Variants in JADE1 observed in about 807,000 individuals in gnomAD.
JADE1 encodes jade family PHD finger 1.
A neutral mutation model predicts 81.8 loss-of-function variants in JADE1; 14 were observed. The observed-to-expected ratio is 0.17, with a 90% CI of 0.11 to 0.27. The LOEUF is 0.27. Ranked by LOEUF, JADE1 falls within the 10% of genes least tolerant of loss-of-function variation. The pLI, the probability that JADE1 is intolerant of heterozygous loss-of-function variation, is 1.00. For synonymous variants in JADE1, 353 were observed against 391.9 expected (o/e 0.90, Z 1.17); for missense variants, 690 against 1,047.9 (o/e 0.66, Z 4.71).
rs574654459 is a variant in JADE1, at chr4:128,843,745, G to C, written c.138+707G>C. 8.5e-5 allele frequency among the ~76,000 whole-genome samples: 13 copies of C among 152,284 alleles called. 1 individual carries two copies. In the South Asian group the frequency reaches 2.7e-3, roughly 32 times the overall value. On this transcript the variant is annotated intron_variant, in intron 3 of 10. Coordinates refer to ENST00000226319, the MANE Select transcript of JADE1 (RefSeq NM_199320.4). ...AGAAGGTTATAGGAAGAGTTTCTTT[G>C]GTTGAATGCTTTGCTTTGTGCTGCT... is the stretch of plus-strand genomic sequence containing the variant.
At position 128,863,265 on chromosome 4, in the gene JADE1, T is replaced by C. The variant is rs1027603160; in HGVS notation, c.1503+1040T>C. ...GTAGTTTCTGGCTGAGGCTTGCTAA[T>C]TGGGGATGCTTCTTAGAGCATCTTC... is the stretch of plus-strand genomic sequence containing the variant. On this transcript the variant is annotated intron_variant, in intron 9 of 10. Coordinates refer to ENST00000226319, the MANE Select transcript of JADE1 (RefSeq NM_199320.4). The C allele has an allele frequency of 3.9e-5, 38 of 985,416 alleles. No homozygotes were observed. In the Admixed American group the frequency reaches 9.2e-4, roughly 24 times the overall value. 61.0% of individuals were successfully genotyped at this position (985,416 alleles called of 1,614,324 possible).
chr4:128,851,275 G>A (rs1453672856), intron 5 of JADE1, among the ~76,000 whole-genome samples: 1 of 152,144 alleles, frequency 6.6e-6, no homozygotes, highest in Non-Finnish European at 1.5e-5. Context: ...AGAAGTAAGA[G>A]GATGAGGAGG....
At chr4:128,868,004 T>G (rs764269753) in intron 10 of JADE1, 31 bp downstream of exon 10, 2 of 1,219,952 alleles carry the variant, frequency 1.6e-6, no homozygotes, top group South Asian at 2.4e-5. Flanking sequence ...GGTCAAAGTA[T>G]AGGGCAGGGG....
chr4:128,830,983 A>T (rs1323334179), intron 1 of JADE1, among the ~76,000 whole-genome samples: 1 of 152,100 alleles, frequency 6.6e-6, no homozygotes, highest in East Asian at 1.9e-4. Flanking sequence ...ATTTGGGTCT[A>T]TTTGTCCTGA....
intron 1 of JADE1, among the ~76,000 whole-genome samples, chr4:128,830,930 G>A (rs111956695): frequency 6.6e-6 from 1 of 152,174 alleles, no homozygotes; most frequent in African/African-American, 2.4e-5. Context: ...AGTTGGCCAG[G>A]TGCGCTGGGT....
In JADE1 at chr4:128,863,209, G is replaced by A. The variant is rs146120244; in HGVS notation, c.1503+984G>A. On this transcript the variant is annotated intron_variant, in intron 9 of 10. Coordinates refer to ENST00000226319, the MANE Select transcript of JADE1 (RefSeq NM_199320.4). ...CTACAGGAATAATGAGGCGTGGGCT[G>A]CCTCCCGCTAGGGCCTCCTGCTCCC... is the stretch of plus-strand genomic sequence containing the variant. The A allele has an allele frequency of 6.0e-3, 5,962 of 985,546 alleles. 22 individuals are homozygous for A. The highest frequency in any genetic ancestry group is 6.7e-3 in the Non-Finnish European group (5,593 of 830,020). 61.1% of individuals were successfully genotyped at this position (985,546 alleles called of 1,614,324 possible). A position where few individuals can be genotyped will look rare whatever the true frequency, so the allele number is the denominator to read the frequency against.
chr4:128,861,381 T>A (rs1731311002), intron 8 of JADE1, among the ~76,000 whole-genome samples: 1 of 152,230 alleles, frequency 6.6e-6, no homozygotes, highest in Admixed American at 6.5e-5. Flanking sequence ...ATTCCAAGAC[T>A]TGGCTGGGCG....
intron 9 of JADE1, chr4:128,862,717 A>T: frequency 9.9e-7 from 1 of 1,006,400 alleles, no homozygotes; most frequent in Non-Finnish European, 1.2e-6. Context: ...GAAGCTAAGC[A>T]CGGCTGCTCA....
chr4:128,837,983 G>A (rs1476198811), intron 2 of JADE1, among the ~76,000 whole-genome samples: 1 of 152,202 alleles, frequency 6.6e-6, no homozygotes, highest in Non-Finnish European at 1.5e-5. Flanking sequence ...AATGTGGAAG[G>A]TGTGTGCAGT....
At chr4:128,842,011 C>G (rs1255530123) in intron 2 of JADE1, among the ~76,000 whole-genome samples, 1 of 152,106 alleles carries the variant, frequency 6.6e-6, no homozygotes, top group East Asian at 1.9e-4. Flanking sequence ...TAGGAGTAGA[C>G]CCCCCTTTGG....
chr4:128,868,012 G>A, intron 10 of JADE1, 39 bp downstream of exon 10: 1 of 1,093,030 alleles, frequency 9.1e-7, no homozygotes, highest in Non-Finnish European at 1.4e-6. Flanking sequence ...TATAGGGCAG[G>A]GGTTTGTAAG....
chr4:128,860,519 C>G (rs996615500), intron 8 of JADE1, among the ~76,000 whole-genome samples: 2 of 152,218 alleles, frequency 1.3e-5, no homozygotes, highest in Non-Finnish European at 2.9e-5. Flanking sequence ...TCTCAGTTGG[C>G]TTGAAGCCGC....
chr4:128,812,785 C>CCTTA (rs1352547613), intron 1 of JADE1, among the ~76,000 whole-genome samples: 3 of 152,260 alleles, frequency 2.0e-5, no homozygotes. Flanking sequence ...TGGCGCCCTG[C>CCTTA]CTTACTTCGG....
rs763105104 is a variant in JADE1 at position 128,855,401 on chromosome 4, CA to C, written c.697-228del. ...GCTAAATAAATATGTATTGTGTCAG[CA>C]GAGCTCACCTCTATTATGAATACAT... On this transcript the variant is annotated intron_variant, in intron 6 of 10. Transcript: ENST00000226319. Among the ~76,000 whole-genome samples the C allele has an allele frequency of 2.6e-5, 4 of 152,260 alleles. No homozygotes were observed. The East Asian group carries it at 5.8e-4, about 22-fold the overall frequency.
chr4:128,821,041 A>G (rs1727519047), intron 1 of JADE1, among the ~76,000 whole-genome samples: 1 of 152,198 alleles, frequency 6.6e-6, no homozygotes, highest in African/African-American at 2.4e-5. Context: ...TGGTTTTCCT[A>G]AAGTGTCTAA....
At chr4:128,867,995 G>C in intron 10 of JADE1, 22 bp downstream of exon 10, 1 of 1,367,668 alleles carries the variant, frequency 7.3e-7, no homozygotes, top group Non-Finnish European at 1.0e-6. Context: ...GCCCTGGTAG[G>C]TCAAAGTATA....
intron 2 of JADE1, among the ~76,000 whole-genome samples, chr4:128,838,002 G>A (rs1298429394): frequency 6.6e-6 from 1 of 152,192 alleles, no homozygotes. Context: ...GTATGTGTTA[G>A]ATTTACTCTT....
intron 1 of JADE1, among the ~76,000 whole-genome samples, chr4:128,830,097 C>T (rs537940769): frequency 8.6e-4 from 130 of 151,432 alleles, no homozygotes; most frequent in Non-Finnish European, 1.5e-3. Flanking sequence ...AGGCTGGTCT[C>T]GAACTGCTGA....
chr4:128,861,831 C>G lies in JADE1; in HGVS notation c.1109C>G (p.Ser370Ter). Reference protein sequence around the residue: ...KFKSYCPKHSSHRKPEESLGK... With the variant: ...KFKSYCPKHS ...AAGTCCTATTGCCCAAAGCACAGCT[C>G]ACATAGGAAACCCGAGGAGAGTCTT... is the stretch of plus-strand genomic sequence containing the variant. Residue 370 changes from serine to a stop codon, truncating the protein, a stop_gained, in exon 9 of 11, where the codon TCA (serine) becomes TGA (stop). Coordinates refer to ENST00000226319, the MANE Select transcript of JADE1 (RefSeq NM_199320.4). LOFTEE classifies it high-confidence loss of function. The G allele has an allele frequency of 6.2e-7, 1 of 1,614,186 alleles. No individual in the cohort carries two copies. Among genetic ancestry groups the G allele is most frequent in the East Asian group, 2.2e-5 (1 of 44,880 alleles).
Sources: allele counts gnomAD v4.1 joint callset (sites outside exome capture counted in the v4.1 genomes callset), GRCh38; gene constraint gnomAD v4.1.1; transcripts MANE v1.5; gene names NCBI Gene and HGNC (gene_info 2026-07-23, HGNC 2026-07-21).